GRIK3: variants seen among roughly 807,000 people sequenced by gnomAD.
GRIK3 encodes glutamate receptor ionotropic, kainate 3.
In GRIK3, 29 loss-of-function variants were observed where a neutral mutation model predicts 102.5. The observed-to-expected ratio is 0.28, with a 90% CI of 0.21 to 0.39. GRIK3 has a LOEUF of 0.39. Among genes scored for constraint, GRIK3 ranks in the 10% least tolerant of loss-of-function variants. GRIK3 has a pLI of 1.00. For missense variants in GRIK3, 908 were observed against 1,252.4 expected (o/e 0.73, Z 4.15); for synonymous variants, 511 against 504.9 (o/e 1.01, Z -0.16).
At chr1:36,961,789 C>T (rs887577202) in intron 1 of GRIK3, among the ~76,000 whole-genome samples, 1 of 152,238 alleles carries the variant, frequency 6.6e-6, no homozygotes, top group Admixed American at 6.5e-5. Flanking sequence ...GTTCTCCAGC[C>T]CACCTTATCA....
At chr1:36,983,153 T>C (rs1642267783) in intron 1 of GRIK3, among the ~76,000 whole-genome samples, 1 of 152,116 alleles carries the variant, frequency 6.6e-6, no homozygotes, top group African/African-American at 2.4e-5. Flanking sequence ...TGCGGAGTCT[T>C]CCCGACACCG....
chr1:36,918,469 A>G (rs1351462488), intron 1 of GRIK3, among the ~76,000 whole-genome samples: 1 of 152,236 alleles, frequency 6.6e-6, no homozygotes, highest in Non-Finnish European at 1.5e-5. Flanking sequence ...GCGACAAAGT[A>G]TCTGATCCCT....
intron 1 of GRIK3, among the ~76,000 whole-genome samples, chr1:37,028,450 A>G (rs1047453082): frequency 2.0e-5 from 3 of 152,114 alleles, no homozygotes; most frequent in African/African-American, 7.2e-5. Flanking sequence ...TATTGGTAGG[A>G]AGGCTGGGAA....
chr1:36,883,612 G>A (rs373846231), intron 2 of GRIK3, among the ~76,000 whole-genome samples: 48 of 152,336 alleles, frequency 3.2e-4, no homozygotes, highest in African/African-American at 1.1e-3. Flanking sequence ...ATCCTTAGAG[G>A]AAAGTCTGGA....
chr1:36,908,753 C>G (rs1002869697), intron 1 of GRIK3, among the ~76,000 whole-genome samples: 1 of 151,470 alleles, frequency 6.6e-6, no homozygotes, highest in African/African-American at 2.4e-5. Context: ...AGCAGAGACA[C>G]TGAGGCGGCT....
At chr1:36,933,735 T>G (rs1192448865) in intron 1 of GRIK3, among the ~76,000 whole-genome samples, 1 of 152,196 alleles carries the variant, frequency 6.6e-6, no homozygotes, top group Non-Finnish European at 1.5e-5. Flanking sequence ...CAGCAAGGTA[T>G]GATAGAAGGC....
intron 1 of GRIK3, among the ~76,000 whole-genome samples, chr1:36,991,444 C>G (rs925223893): frequency 1.3e-5 from 2 of 152,192 alleles, no homozygotes; most frequent in Non-Finnish European, 2.9e-5. Context: ...AGGCTGGGCT[C>G]AAGCCTCAGC....
At chr1:36,975,288 G>GTTTTTTTTTTGTTT (rs1642183396) in intron 1 of GRIK3, among the ~76,000 whole-genome samples, 1 of 113,372 alleles carries the variant, frequency 8.8e-6, no homozygotes. Context: ...TCTAAAGTTG[G>GTTTTTTTTTTGTTT]TTTTTTTTTT....
At chr1:37,012,064 G>C (rs1642602203) in intron 1 of GRIK3, among the ~76,000 whole-genome samples, 2 of 152,136 alleles carry the variant, frequency 1.3e-5, no homozygotes, top group African/African-American at 4.8e-5. Flanking sequence ...AGCAACACCT[G>C]GGAGTGATAC....
chr1:36,954,041 A>G (rs929763996), intron 1 of GRIK3, among the ~76,000 whole-genome samples: 25 of 152,300 alleles, frequency 1.6e-4, no homozygotes, highest in African/African-American at 5.5e-4. Flanking sequence ...GGAAACCGTT[A>G]GTCCTAAGAG....
Position 36,978,315 on chromosome 1 carries a change from T to TATACTG in GRIK3, c.115+55673_115+55678dup, listed in dbSNP as rs764153452. Among the ~76,000 whole-genome samples, 18 of 152,368 alleles carry TATACTG rather than the reference T, an allele frequency of 1.2e-4. No homozygotes were observed. The South Asian group carries it at 2.1e-3, about 18-fold the overall frequency. ...ACCCAGATTACGGAGCATCTATCAA[T>TATACTG]ATACTGAGCCATCACTGCAACTTGA... On this transcript the variant is annotated intron_variant, in intron 1 of 15. Coordinates refer to ENST00000373091, the MANE Select transcript of GRIK3 (RefSeq NM_000831.4).
intron 1 of GRIK3, among the ~76,000 whole-genome samples, chr1:36,941,019 A>G (rs1570811093): frequency 6.6e-6 from 1 of 152,330 alleles, no homozygotes; most frequent in East Asian, 1.9e-4. Flanking sequence ...TTCCTGGCCT[A>G]TTAGACCCCC....
intron 1 of GRIK3, among the ~76,000 whole-genome samples, chr1:36,947,867 A>T (rs1641801938): frequency 6.6e-6 from 1 of 151,804 alleles, no homozygotes; most frequent in Non-Finnish European, 1.5e-5. Context: ...CCCCCTCCAC[A>T]GTATGATACT....
At chr1:36,898,218 T>C (rs920731166) in intron 1 of GRIK3, among the ~76,000 whole-genome samples, 1 of 152,134 alleles carries the variant, frequency 6.6e-6, no homozygotes, top group African/African-American at 2.4e-5. Flanking sequence ...TAGTATTTGA[T>C]AGCACAACAG....
intron 3 of GRIK3, among the ~76,000 whole-genome samples, chr1:36,876,024 T>C (rs1640909652): frequency 6.6e-6 from 1 of 152,182 alleles, no homozygotes; most frequent in Non-Finnish European, 1.5e-5. Flanking sequence ...AGGATTGTCT[T>C]CTAGAAGGTT....
chr1:36,989,312 A>T (rs1157083760), intron 1 of GRIK3, among the ~76,000 whole-genome samples: 1 of 152,182 alleles, frequency 6.6e-6, no homozygotes, highest in Non-Finnish European at 1.5e-5. Context: ...CTTGAGTGGG[A>T]CACCCAAGTG....
rs1355501061 is a variant in GRIK3, at chr1:37,031,791, G to T, written c.115+2203C>A. Among the ~76,000 whole-genome samples, 7 of 152,182 alleles carry T rather than the reference G, an allele frequency of 4.6e-5. No homozygotes were observed. The South Asian group carries it at 6.2e-4, about 14-fold the overall frequency. On this transcript the variant is annotated intron_variant, in intron 1 of 15. Coordinates refer to ENST00000373091, the MANE Select transcript of GRIK3 (RefSeq NM_000831.4). ...TTTAGCATGAGATTCTCTCTCTCTC[G>T]CTCGCTCGCTCTTTCTGTCCATGTC...
intron 1 of GRIK3, among the ~76,000 whole-genome samples, chr1:36,924,206 C>T (rs1321543633): frequency 6.6e-6 from 1 of 152,170 alleles, no homozygotes; most frequent in Non-Finnish European, 1.5e-5. Context: ...TGACCCAATT[C>T]GAGCAAGACT....
chr1:36,851,665 C>T (rs1317025387), intron 8 of GRIK3, among the ~76,000 whole-genome samples: 2 of 152,248 alleles, frequency 1.3e-5, no homozygotes, highest in Admixed American at 1.3e-4. Context: ...AGGACCCAGC[C>T]TGTGGAGGCT....
Sources: allele counts gnomAD v4.1 joint callset (sites outside exome capture counted in the v4.1 genomes callset), GRCh38; gene constraint gnomAD v4.1.1; transcripts MANE v1.5; gene names NCBI Gene and HGNC (gene_info 2026-07-23, HGNC 2026-07-21).